Variants in LRBA observed in about 807,000 individuals in gnomAD.
LRBA encodes LPS responsive beige-like anchor protein, also known as lipopolysaccharide-responsive and beige-like anchor protein.
A neutral mutation model predicts 330.0 loss-of-function variants in LRBA; 176 were observed. The ratio of observed to expected loss-of-function variants is 0.53; its 90% CI spans 0.47 to 0.60. The LOEUF (loss-of-function observed/expected upper bound fraction) is 0.60. LRBA is among the 20% of genes least tolerant of loss of function. The pLI is 0.00. For synonymous variants in LRBA, 1,230 were observed against 1,193.0 expected, an observed-to-expected ratio of 1.03 and a Z score of -0.64; for missense variants, 3,259 against 3,444.8, an observed-to-expected ratio of 0.95 and a Z score of 1.35.
intron 44 of LRBA, among the ~76,000 whole-genome samples, chr4:150,444,162 A>T (rs72734461): frequency 0.22 from 33,164 of 151,780 alleles, 4,405 homozygotes; most frequent in Non-Finnish European, 0.3. Flanking sequence ...CAGTTTTTTT[A>T]AAAAATGTGA....
chr4:150,916,853 T>C, intron 5 of LRBA, 115 bp from the exon 6 acceptor site: 1 of 829,588 alleles, frequency 1.2e-6, no homozygotes, highest in Non-Finnish European at 1.8e-6. Context: ...TTACTTTATG[T>C]CACAATTAAA....
chr4:150,795,372 T>C (rs1451908098), intron 34 of LRBA, among the ~76,000 whole-genome samples: 2 of 152,172 alleles, frequency 1.3e-5, no homozygotes, highest in East Asian at 3.9e-4. Flanking sequence ...GAAACACAGT[T>C]GAGAACTTGT....
At chr4:150,419,188 G>GCCC (rs915435416) in intron 46 of LRBA, among the ~76,000 whole-genome samples, 1 of 152,118 alleles carries the variant, frequency 6.6e-6, no homozygotes, top group African/African-American at 2.4e-5. Flanking sequence ...TCAATCAAGT[G>GCCC]CCCTTTCATG....
At chr4:150,929,793 T>C (rs1171514650) in intron 2 of LRBA, among the ~76,000 whole-genome samples, 1 of 152,046 alleles carries the variant, frequency 6.6e-6, no homozygotes, top group Non-Finnish European at 1.5e-5. Context: ...CTCATTTAAC[T>C]AGATTTTTTA....
intron 16 of LRBA, among the ~76,000 whole-genome samples, chr4:150,893,647 C>A (rs1022094953): frequency 6.6e-6 from 1 of 152,058 alleles, no homozygotes; most frequent in Non-Finnish European, 1.5e-5. Flanking sequence ...CCGCACCTGA[C>A]CTCAAAACAA....
At chr4:150,492,820 A>T (rs1237649388) in intron 40 of LRBA, among the ~76,000 whole-genome samples, 1 of 151,972 alleles carries the variant, frequency 6.6e-6, no homozygotes, top group Non-Finnish European at 1.5e-5. Flanking sequence ...GTTCTCCCAC[A>T]TCTCCACATG....
At chr4:150,945,802 T>C (rs1205084856) in intron 2 of LRBA, among the ~76,000 whole-genome samples, 1 of 151,942 alleles carries the variant, frequency 6.6e-6, no homozygotes, top group African/African-American at 2.4e-5. Context: ...TTAAGGCATA[T>C]TTCTTTTTTT....
intron 53 of LRBA, 133 bp from the exon 54 acceptor site, chr4:150,286,167 A>C: frequency 3.0e-6 from 2 of 659,968 alleles, no homozygotes; most frequent in Non-Finnish European, 5.2e-6. Context: ...ATCCTACTTT[A>C]GGACTAGATC....
chr4:150,976,156 C>T (rs115320865), intron 2 of LRBA, among the ~76,000 whole-genome samples: 2 of 115,138 alleles, frequency 1.7e-5, no homozygotes, highest in Non-Finnish European at 3.3e-5. Flanking sequence ...GCTTGGGTGA[C>T]AGAGTGAAAC....
chr4:150,583,303 G>A lies in LRBA; in HGVS notation c.6330+4745C>T, dbSNP rs758052839. 2 of 1,614,194 alleles carry A rather than the reference G, an allele frequency of 1.2e-6. No homozygotes were observed. The highest frequency in any genetic ancestry group is 8.5e-7 in the Non-Finnish European group (1 of 1,180,034). On this transcript the variant is annotated intron_variant, in intron 40 of 56. Coordinates refer to ENST00000651943, the MANE Select transcript of LRBA (RefSeq NM_001364905.1). This position sits in a 1 kb window ranked among gnomAD's most constrained non-coding sequence, Gnocchi z 9.8. ...GGGCGTCTTCAACTTCGTGGACGACGGCTCGCTGCCCGGCTGCGCAGTGCT... is the reference window on the plus strand; with the variant it reads ...GGGCGTCTTCAACTTCGTGGACGACAGCTCGCTGCCCGGCTGCGCAGTGCT...
rs1051557459 is a variant in LRBA at position 150,264,763 on chromosome 4, C to T, written c.*959G>A. On this transcript the variant is annotated 3_prime_UTR_variant, in exon 57 of 57. Coordinates refer to ENST00000651943, the MANE Select transcript of LRBA (RefSeq NM_001364905.1). ...ACTAGAAAAGTAGAATTATACACCA[C>T]CAAATAACATTGTTTCGTTTCTTAG... is the stretch of plus-strand genomic sequence containing the variant. The T allele has an allele frequency of 6.6e-6, 1 of 152,638 alleles. No homozygotes were observed. The highest frequency in any genetic ancestry group is 2.1e-4 in the South Asian group (1 of 4,836). The allele number at this position is 152,638 out of a possible 1,614,324, so 9.5% of individuals were successfully genotyped here.
In LRBA at chr4:150,820,951, A is replaced by G. The variant is rs78496693; in HGVS notation, c.5172-3694T>C. Reference sequence around the variant, plus strand: ...ATCATGCAAAAACTAAGCATTTAATATTACCTTTTTATACAATGCATTGGA... The same window carrying G: ...ATCATGCAAAAACTAAGCATTTAATGTTACCTTTTTATACAATGCATTGGA... On this transcript the variant is annotated intron_variant, in intron 30 of 56. Transcript: ENST00000651943. Among the ~76,000 whole-genome samples the G allele has an allele frequency of 1.6e-4, 24 of 152,218 alleles. No homozygotes were observed. The East Asian group carries it at 4.6e-3, about 29-fold the overall frequency.
At chr4:150,717,111 T>C (rs541508739) in intron 36 of LRBA, among the ~76,000 whole-genome samples, 6 of 152,336 alleles carry the variant, frequency 3.9e-5, no homozygotes, top group African/African-American at 1.4e-4. Flanking sequence ...CTTCATCATA[T>C]ACTAGCTATA....
intron 44 of LRBA, among the ~76,000 whole-genome samples, chr4:150,450,101 C>A (rs1031714267): frequency 2.0e-5 from 3 of 151,994 alleles, no homozygotes; most frequent in African/African-American, 7.2e-5. Context: ...AGAAAAAATG[C>A]TGCAAGTAAT....
At chr4:150,406,803 C>T (rs988562475) in intron 47 of LRBA, among the ~76,000 whole-genome samples, 1 of 151,728 alleles carries the variant, frequency 6.6e-6, no homozygotes, top group African/African-American at 2.4e-5. Context: ...TTTTTGGAGA[C>T]GGAATCTCAC....
intron 38 of LRBA, among the ~76,000 whole-genome samples, chr4:150,593,819 C>T (rs1209234053): frequency 1.3e-5 from 2 of 151,984 alleles, no homozygotes; most frequent in African/African-American, 4.8e-5. Context: ...CTTTAATCTG[C>T]AAACATTTAC....
At chr4:150,307,505 ACT>A (rs1730509210) in intron 52 of LRBA, among the ~76,000 whole-genome samples, 1 of 151,510 alleles carries the variant, frequency 6.6e-6, no homozygotes, top group Admixed American at 6.6e-5. Context: ...TTTGAGAAAA[ACT>A]CCAGGAGTTT....
At chr4:150,371,534 A>G (rs1000373147) in intron 47 of LRBA, among the ~76,000 whole-genome samples, 27 of 152,172 alleles carry the variant, frequency 1.8e-4, no homozygotes, top group Admixed American at 1.7e-3. Context: ...TATTATGTTC[A>G]GGGTACTCTG....
chr4:150,410,114 T>C (rs1051067833), intron 47 of LRBA, among the ~76,000 whole-genome samples: 2 of 152,106 alleles, frequency 1.3e-5, no homozygotes, highest in African/African-American at 4.8e-5. Flanking sequence ...TTAAATGTTG[T>C]CTGGTCAGTG....
Sources: allele counts gnomAD v4.1 joint callset (sites outside exome capture counted in the v4.1 genomes callset), GRCh38; gene constraint gnomAD v4.1.1; non-coding constraint Gnocchi (gnomAD v3.1); transcripts MANE v1.5; gene names NCBI Gene and HGNC (gene_info 2026-07-23, HGNC 2026-07-21).